EFCAB13: variants seen among roughly 807,000 people sequenced by gnomAD.
EFCAB13 encodes the protein EF-hand calcium binding domain 13.
Under a neutral mutation model 110.2 loss-of-function variants are expected in EFCAB13, and 91 were observed. The ratio of observed to expected loss-of-function variants is 0.83; its 90% CI spans 0.70 to 0.98. The LOEUF (loss-of-function observed/expected upper bound fraction) is 0.98. Among genes scored for constraint, EFCAB13 ranks in the 50% least tolerant of loss-of-function variants. EFCAB13 has a pLI of 0.00. For missense variants in EFCAB13, 968 were observed against 1,119.4 expected, an observed-to-expected ratio of 0.86 and a Z score of 1.93; for synonymous variants, 323 against 369.9, an observed-to-expected ratio of 0.87 and a Z score of 1.45.
chr17:47,395,938 G>A lies in EFCAB13; in HGVS notation c.1906G>A (p.Asp636Asn). The change falls in exon 17 of 25, where the codon GAT becomes AAT. Residue 636 changes from aspartate to asparagine, a missense_variant. Physicochemically the swap from Asp to Asn is conservative, Grantham distance 23. Coordinates refer to ENST00000331493, the MANE Select transcript of EFCAB13 (RefSeq NM_152347.5). ...LSSLNSNLKK[D>N]EFLAALELVT... The stretch of plus-strand genomic sequence containing the variant: ...TAGTTTGAATAGTAATTTAAAAAAG[G>A]ATGAATTTCTAGCTGCATTGGAACT... The A allele has an allele frequency of 6.2e-7, 1 of 1,608,894 alleles. No homozygotes were observed. Among genetic ancestry groups the A allele is most frequent in the African/African-American group, 1.3e-5 (1 of 74,992 alleles).
At chr17:47,382,712 A>C (rs1019388303) in intron 14 of EFCAB13, among the ~76,000 whole-genome samples, 1 of 152,118 alleles carries the variant, frequency 6.6e-6, no homozygotes, top group African/African-American at 2.4e-5. Flanking sequence ...TTTTCACATC[A>C]ATGTTCATAA....
chr17:47,440,100 A>AT (rs2143534508), intron 24 of EFCAB13, among the ~76,000 whole-genome samples: 1 of 152,226 alleles, frequency 6.6e-6, no homozygotes, highest in South Asian at 2.1e-4. Flanking sequence ...GGTTTTATGC[A>AT]TGGGAATAAT....
chr17:47,370,738 G>GTTTTTTTTTTTTTTTTTT (rs764924546), intron 11 of EFCAB13, among the ~76,000 whole-genome samples: 1 of 127,204 alleles, frequency 7.9e-6, no homozygotes, highest in Non-Finnish European at 1.7e-5. Context: ...GTTGTTGTTT[G>GTTTTTTTTTTTTTTTTTT]TTTTTTTTTT....
At chr17:47,394,744 CAATAT>C (rs2065727832) in intron 16 of EFCAB13, among the ~76,000 whole-genome samples, 1 of 152,070 alleles carries the variant, frequency 6.6e-6, no homozygotes, top group Non-Finnish European at 1.5e-5. Flanking sequence ...TTTTACCTTA[CAATAT>C]AAGATTTAAT....
At chr17:47,420,700 C>T (rs867205963) in intron 23 of EFCAB13, among the ~76,000 whole-genome samples, 1 of 150,402 alleles carries the variant, frequency 6.6e-6, no homozygotes, top group Middle Eastern at 3.6e-3. Flanking sequence ...GTGAGGAGAC[C>T]CTCCGCCCGG....
intron 20 of EFCAB13, among the ~76,000 whole-genome samples, chr17:47,406,332 G>A (rs569951197): frequency 8.0e-4 from 122 of 152,132 alleles, no homozygotes; most frequent in African/African-American, 2.9e-3. Context: ...TGCTGGTCTC[G>A]AACTCCTGCC....
chr17:47,405,925 A>C (rs1380832331), intron 20 of EFCAB13, among the ~76,000 whole-genome samples: 2 of 150,944 alleles, frequency 1.3e-5, no homozygotes, highest in Non-Finnish European at 3.0e-5. Flanking sequence ...TTTTTTTCTT[A>C]CTGGGTAATA....
chr17:47,426,616 TTTAAC>T (rs1471957573), intron 23 of EFCAB13, among the ~76,000 whole-genome samples: 2 of 152,304 alleles, frequency 1.3e-5, no homozygotes, highest in African/African-American at 4.8e-5. Flanking sequence ...AATCTTTATA[TTTAAC>T]TTATAAATTT....
chr17:47,379,583 C>A (rs2065635343), intron 14 of EFCAB13, among the ~76,000 whole-genome samples: 1 of 148,802 alleles, frequency 6.7e-6, no homozygotes, highest in Non-Finnish European at 1.5e-5. Flanking sequence ...TTCCCATGGA[C>A]TTGTTTGAAT....
At chr17:47,368,846 GA>G (rs2065564503) in intron 10 of EFCAB13, among the ~76,000 whole-genome samples, 2 of 152,152 alleles carry the variant, frequency 1.3e-5, no homozygotes, top group East Asian at 3.8e-4. Context: ...GTCAGAATGG[GA>G]AAGACAACTC....
rs71141904 is a variant in EFCAB13 at position 47,351,304 on chromosome 17, TGCGC to T, written c.661+3374_661+3377del. 5.4e-3 allele frequency among the ~76,000 whole-genome samples: 669 copies of T among 123,086 alleles called. 3 individuals carry two copies. Among genetic ancestry groups the T allele is most frequent in the Non-Finnish European group, 5.6e-3 (299 of 53,618 alleles). The allele number at this position is 123,086 out of a possible 152,430, so 80.7% of individuals were successfully genotyped here. On this transcript the variant is annotated intron_variant, in intron 9 of 24. Transcript: ENST00000331493. ...CTGTGTGTGTGTGTGTGTGTGTGTG[TGCGC>T]GCGCGCGCGCGCGCGCGCGCCACGT...
At chr17:47,419,913 C>CCCCTCT (rs59364535) in intron 23 of EFCAB13, among the ~76,000 whole-genome samples, 73,834 of 149,300 alleles carry the variant, frequency 0.49, 18,675 homozygotes, top group Middle Eastern at 0.56. Flanking sequence ...TAAGAAATGT[C>CCCCTCT]CCCTCTCCCT....
intron 9 of EFCAB13, among the ~76,000 whole-genome samples, chr17:47,349,529 C>CT (rs1428518106): frequency 1.3e-5 from 2 of 152,058 alleles, no homozygotes; most frequent in Non-Finnish European, 2.9e-5. Flanking sequence ...GGTAAATATT[C>CT]TTTTTACATT....
At chr17:47,384,345 T>C (rs945267906) in intron 14 of EFCAB13, among the ~76,000 whole-genome samples, 3 of 152,096 alleles carry the variant, frequency 2.0e-5, no homozygotes, top group Non-Finnish European at 4.4e-5. Context: ...AATTTCATCC[T>C]GTCATCATGA....
At chr17:47,386,520 G>A (rs2065677101) in intron 14 of EFCAB13, among the ~76,000 whole-genome samples, 1 of 152,198 alleles carries the variant, frequency 6.6e-6, no homozygotes, top group Non-Finnish European at 1.5e-5. Context: ...ACTTCAGACT[G>A]CTGTGCTGGT....
chr17:47,402,196 G>T lies in EFCAB13; in HGVS notation c.2010G>T (p.Arg670Ser). ...TAAGGAATATGCGTGATGCTGCCAG[G>T]TTAGAAGGTAAGTACTGAATTATTT... is the stretch of plus-strand genomic sequence containing the variant. ...KVVRNMRDAA[R>S]LEELQEVVLA... The change falls in exon 18 of 25, where the codon AGG (arginine) becomes AGT (serine). Residue 670 changes from arginine to serine, a missense_variant. Physicochemically the swap from Arg to Ser is moderately radical, Grantham distance 110. Coordinates refer to ENST00000331493, the MANE Select transcript of EFCAB13 (RefSeq NM_152347.5). The T allele has an allele frequency of 6.2e-7, 1 of 1,613,230 alleles. No homozygotes were observed. The highest frequency in any genetic ancestry group is 8.5e-7 in the Non-Finnish European group (1 of 1,179,248).
rs368404576 is a variant in EFCAB13, at chr17:47,370,497, A to G, written c.866A>G (p.Tyr289Cys). 1.2e-6 allele frequency: 2 copies of G among 1,605,470 alleles called. No homozygotes were observed. The highest frequency in any genetic ancestry group is 4.5e-5 in the East Asian group (2 of 44,620). The change falls in exon 11 of 25, where the codon TAT becomes TGT. Residue 289 changes from tyrosine (Y) to cysteine (C), a missense_variant. By Grantham distance (194) the Tyr-to-Cys change is radical. Transcript: ENST00000331493. ...ACTTTGAATGAGCTACAGGAACAGT[A>G]TGAGGATGTTTGTAAGTGAGCTCTT... ...IFTLNELQEQ[Y>C]EDVSITEGSP...
chr17:47,328,172 T>G (rs933176878), intron 3 of EFCAB13, 97 bp from the exon 4 acceptor site: 1 of 640,336 alleles, frequency 1.6e-6, no homozygotes. Flanking sequence ...ATACCCCAAG[T>G]CAGTGTTACA....
At chr17:47,344,433 G>A (rs2065403944) in intron 7 of EFCAB13, 141 bp downstream of exon 7, 1 of 1,080,680 alleles carries the variant, frequency 9.3e-7, no homozygotes, top group Non-Finnish European at 1.3e-6. Flanking sequence ...AGAGATAAGA[G>A]CACTGTATAT....
Sources: allele counts gnomAD v4.1 joint callset (sites outside exome capture counted in the v4.1 genomes callset), GRCh38; gene constraint gnomAD v4.1.1; transcripts MANE v1.5; gene names NCBI Gene and HGNC (gene_info 2026-07-23, HGNC 2026-07-21).